CLSTN2: variants seen among roughly 807,000 people sequenced by gnomAD.
The protein encoded by CLSTN2 is calsyntenin-2.
CLSTN2 carries 48 observed loss-of-function variants against 101.2 expected under a neutral mutation model. The observed-to-expected ratio is 0.47, with a 90% CI of 0.38 to 0.60. The LOEUF (loss-of-function observed/expected upper bound fraction) is 0.60, where lower values mean the gene tolerates loss of function less well. Among genes scored for constraint, CLSTN2 ranks in the 20% least tolerant of loss-of-function variants. The pLI, the probability that CLSTN2 is intolerant of heterozygous loss-of-function variation, is 0.00. For synonymous variants in CLSTN2, 481 were observed against 463.6 expected, an observed-to-expected ratio of 1.04 and a Z score of -0.48; for missense variants, 1,160 against 1,238.2, an observed-to-expected ratio of 0.94 and a Z score of 0.95.
intron 1 of CLSTN2, among the ~76,000 whole-genome samples, chr3:139,959,117 T>C (rs1277336783): frequency 6.6e-6 from 1 of 152,112 alleles, no homozygotes; most frequent in Non-Finnish European, 1.5e-5. Flanking sequence ...ACTTCTCCTC[T>C]TCTGTAGCTC....
intron 1 of CLSTN2, among the ~76,000 whole-genome samples, chr3:139,999,215 G>A (rs1452529312): frequency 6.6e-6 from 1 of 152,156 alleles, no homozygotes; most frequent in African/African-American, 2.4e-5. Flanking sequence ...GGGTACATGA[G>A]CAAGTTTGTT....
At chr3:140,441,639 G>A (rs1034859875) in intron 5 of CLSTN2, among the ~76,000 whole-genome samples, 2 of 152,214 alleles carry the variant, frequency 1.3e-5, no homozygotes, top group African/African-American at 2.4e-5. Flanking sequence ...GCACTCTACT[G>A]TCTAAGTGAC....
intron 4 of CLSTN2, among the ~76,000 whole-genome samples, chr3:140,408,943 G>A (rs1034378592): frequency 1.1e-4 from 17 of 152,252 alleles, no homozygotes; most frequent in Admixed American, 4.6e-4. Flanking sequence ...GGCTCCTATC[G>A]CTGTACACGT....
intron 1 of CLSTN2, among the ~76,000 whole-genome samples, chr3:140,157,970 T>A (rs897567443): frequency 1.3e-5 from 2 of 152,198 alleles, no homozygotes; most frequent in Non-Finnish European, 2.9e-5. Context: ...TGTCCCTTCA[T>A]AACACTTGAT....
At chr3:140,130,441 T>C (rs1194891891) in intron 1 of CLSTN2, among the ~76,000 whole-genome samples, 1 of 152,188 alleles carries the variant, frequency 6.6e-6, no homozygotes, top group Non-Finnish European at 1.5e-5. Flanking sequence ...CTGGAAGTTT[T>C]GCCTGAGGAA....
chr3:139,973,127 G>A (rs1162127683), intron 1 of CLSTN2, among the ~76,000 whole-genome samples: 2 of 152,228 alleles, frequency 1.3e-5, no homozygotes, highest in Non-Finnish European at 2.9e-5. Flanking sequence ...GATGTCTGAG[G>A]TGAGGCCTTG....
intron 1 of CLSTN2, among the ~76,000 whole-genome samples, chr3:140,037,512 GTTTC>G (rs1294343300): frequency 5.3e-5 from 8 of 150,228 alleles, no homozygotes; most frequent in Middle Eastern, 3.4e-3. Context: ...TTTTTTGTTT[GTTTC>G]TTTCTTTCTT....
At chr3:139,949,063 C>G (rs1456502048) in intron 1 of CLSTN2, among the ~76,000 whole-genome samples, 1 of 152,162 alleles carries the variant, frequency 6.6e-6, no homozygotes, top group Non-Finnish European at 1.5e-5. Flanking sequence ...TATGCTTTGT[C>G]CTGCCTGGCA....
At chr3:140,304,657 A>G (rs1327269131) in intron 2 of CLSTN2, among the ~76,000 whole-genome samples, 1 of 152,144 alleles carries the variant, frequency 6.6e-6, no homozygotes, top group Admixed American at 6.5e-5. Context: ...TTAATCCATA[A>G]TACCCTGTTT....
chr3:140,169,090 C>T (rs542187988), intron 1 of CLSTN2, among the ~76,000 whole-genome samples: 16 of 152,114 alleles, frequency 1.1e-4, no homozygotes, highest in South Asian at 4.2e-4. Context: ...GGAAAATTAA[C>T]GTCTTAAGTA....
At chr3:140,428,786 T>G (rs1050064767) in intron 5 of CLSTN2, among the ~76,000 whole-genome samples, 1 of 152,220 alleles carries the variant, frequency 6.6e-6, no homozygotes, top group South Asian at 2.1e-4. Context: ...CTTCGGGTTT[T>G]GAATAATTCT....
intron 2 of CLSTN2, among the ~76,000 whole-genome samples, chr3:140,342,309 G>GA (rs2087500842): frequency 1.3e-5 from 2 of 152,144 alleles, no homozygotes; most frequent in South Asian, 4.1e-4. Context: ...TTGTGACACT[G>GA]AAAAATGTAT....
Position 140,306,848 on chromosome 3 carries a change from T to TTTATTATTATTATTATTA in CLSTN2, c.233-96763_233-96746dup, listed in dbSNP as rs57111372. On this transcript the variant is annotated intron_variant, in intron 2 of 16. Transcript: ENST00000458420. Reference sequence around the variant, plus strand: ...GTGTTCTGGGATCCATTTTTGTCTTTTTATTATTATTATTATTATTATTAT... The same window carrying TTTATTATTATTATTATTA: ...GTGTTCTGGGATCCATTTTTGTCTTTTTATTATTATTATTATTATTATTATTATTATTATTATTATTAT... Among the ~76,000 whole-genome samples the TTTATTATTATTATTATTA allele has an allele frequency of 1.5e-4, 21 of 141,968 alleles. 1 individual carries two copies. The highest frequency in any genetic ancestry group is 2.3e-4 in the South Asian group (1 of 4,396). The allele number at this position is 141,968 out of a possible 152,430, so 93.1% of individuals were successfully genotyped here. A position where few individuals can be genotyped will look rare whatever the true frequency, so the allele number is the denominator to read the frequency against.
At chr3:140,318,282 G>A (rs955190009) in intron 2 of CLSTN2, among the ~76,000 whole-genome samples, 2 of 152,176 alleles carry the variant, frequency 1.3e-5, no homozygotes, top group African/African-American at 4.8e-5. Flanking sequence ...AAGGGAGCAT[G>A]AGCCATGATG....
chr3:140,241,853 A>G (rs2086470611), intron 2 of CLSTN2, among the ~76,000 whole-genome samples: 1 of 143,006 alleles, frequency 7.0e-6, no homozygotes, highest in South Asian at 2.2e-4. Flanking sequence ...ACATATATAT[A>G]TACACATATA....
intron 1 of CLSTN2, among the ~76,000 whole-genome samples, chr3:140,054,486 G>C (rs1447016824): frequency 6.6e-6 from 1 of 152,184 alleles, no homozygotes; most frequent in African/African-American, 2.4e-5. Context: ...AGACCACGCG[G>C]TCAGTAAGGG....
At chr3:140,308,236 T>C (rs905908112) in intron 2 of CLSTN2, among the ~76,000 whole-genome samples, 4 of 152,036 alleles carry the variant, frequency 2.6e-5, no homozygotes, top group Non-Finnish European at 4.4e-5. Context: ...AGAGAAAGAG[T>C]ACAGGCTTCA....
intron 2 of CLSTN2, among the ~76,000 whole-genome samples, chr3:140,313,679 A>G (rs1423705888): frequency 6.6e-6 from 1 of 152,232 alleles, no homozygotes; most frequent in African/African-American, 2.4e-5. Flanking sequence ...CAGTGCATCT[A>G]TACCAGCTAC....
chr3:139,976,097 A>C (rs1226943309), intron 1 of CLSTN2, among the ~76,000 whole-genome samples: 1 of 152,218 alleles, frequency 6.6e-6, no homozygotes, highest in African/African-American at 2.4e-5. Context: ...GAACATTGAC[A>C]TTTCAGAATC....
Sources: allele counts gnomAD v4.1 joint callset (sites outside exome capture counted in the v4.1 genomes callset), GRCh38; gene constraint gnomAD v4.1.1; transcripts MANE v1.5; gene names NCBI Gene and HGNC (gene_info 2026-07-23, HGNC 2026-07-21).